The following WDR37 variants were observed in gnomAD, a reference collection of about 807,000 sequenced individuals.
The protein encoded by WDR37 is WD repeat domain 37, also known as WD repeat-containing protein 37.
A neutral mutation model predicts 62.9 loss-of-function variants in WDR37; 19 were observed. That is an observed-to-expected ratio of 0.30 (90% CI 0.21 to 0.44). The LOEUF (loss-of-function observed/expected upper bound fraction) is 0.44. Among genes scored for constraint, WDR37 ranks in the 20% least tolerant of loss-of-function variants. The pLI, the probability that WDR37 is intolerant of heterozygous loss-of-function variation, is 1.00. For missense variants in WDR37, 474 were observed against 657.6 expected (o/e 0.72, Z 3.05); for synonymous variants, 250 against 260.9 (o/e 0.96, Z 0.40).
intron 9 of WDR37, 189 bp downstream of exon 9, chr10:1,096,435 C>T (rs1834579507): frequency 1.6e-5 from 10 of 621,160 alleles, no homozygotes; most frequent in Non-Finnish European, 2.6e-5. Context: ...AGTGAGGTTG[C>T]GTGAGGTCCT....
chr10:1,070,480 G>A (rs1408864631), intron 1 of WDR37, among the ~76,000 whole-genome samples: 1 of 152,132 alleles, frequency 6.6e-6, no homozygotes, highest in African/African-American at 2.4e-5. Context: ...AAGACATTTA[G>A]AAGAGATATT....
In WDR37 at chr10:1,105,801, T is replaced by C. The variant is rs999860186; in HGVS notation, c.1103+534T>C. On this transcript the variant is annotated intron_variant, in intron 11 of 13. Transcript: ENST00000263150. The surrounding 1 kb of genome is among the most constrained non-coding windows in gnomAD (Gnocchi z 5.3). ...CAACTCAAGTGTAAGGTCTTTTTTT[T>C]CTGAGACGGAGTCTCGCTCTGTCGC... Among the ~76,000 whole-genome samples the C allele has an allele frequency of 2.6e-5, 4 of 152,102 alleles. No individual in the cohort carries two copies. The highest frequency in any genetic ancestry group is 5.9e-5 in the Non-Finnish European group (4 of 68,034).
intron 1 of WDR37, among the ~76,000 whole-genome samples, chr10:1,059,801 A>AT (rs1833315617): frequency 6.6e-6 from 1 of 152,100 alleles, no homozygotes; most frequent in African/African-American, 2.4e-5. Context: ...TGTCTCAAAA[A>AT]ATATATATAT....
intron 11 of WDR37, among the ~76,000 whole-genome samples, chr10:1,108,738 TGCC>T (rs1835105415): frequency 1.7e-5 from 1 of 59,726 alleles, no homozygotes. Flanking sequence ...GCTTCTGTGA[TGCC>T]CCCCCCCCCC....
chr10:1,078,770 C>T (rs1482996274), intron 3 of WDR37, among the ~76,000 whole-genome samples: 2 of 152,226 alleles, frequency 1.3e-5, no homozygotes, highest in Non-Finnish European at 2.9e-5. Flanking sequence ...CCACCTTGGC[C>T]TCCCAAAGTG....
chr10:1,082,191 A>C (rs138869621), intron 5 of WDR37, among the ~76,000 whole-genome samples: 9 of 152,240 alleles, frequency 5.9e-5, no homozygotes, highest in African/African-American at 2.2e-4. Flanking sequence ...CTTGGTGCCA[A>C]AGCTAAGCAT....
intron 11 of WDR37, among the ~76,000 whole-genome samples, chr10:1,108,883 G>A (rs1835115843): frequency 6.6e-6 from 1 of 152,226 alleles, no homozygotes. Context: ...AGAGCTTTGA[G>A]AATTGGGTGA....
At chr10:1,089,271 G>A (rs1564503066) in intron 7 of WDR37, among the ~76,000 whole-genome samples, 1 of 152,028 alleles carries the variant, frequency 6.6e-6, no homozygotes, top group African/African-American at 2.4e-5. Context: ...TCCAGCCTCA[G>A]TTCCTGTCAC....
chr10:1,115,023 C>CT (rs1404137483), intron 11 of WDR37, among the ~76,000 whole-genome samples: 17 of 148,212 alleles, frequency 1.1e-4, no homozygotes, highest in Admixed American at 2.7e-4. Context: ...CCCCATCTCC[C>CT]TTTTTTGTTT....
At chr10:1,074,238 C>T in intron 2 of WDR37, 1 of 930,030 alleles carries the variant, frequency 1.1e-6, no homozygotes, top group Non-Finnish European at 1.4e-6. Flanking sequence ...GGAAACCCTG[C>T]AGCCTCCCCT....
chr10:1,096,899 A>G (rs1028686667), intron 9 of WDR37, among the ~76,000 whole-genome samples: 1 of 152,202 alleles, frequency 6.6e-6, no homozygotes, highest in African/African-American at 2.4e-5. Context: ...GAAAGCTTCT[A>G]GCATCTCAGA....
rs987368523 is a variant in WDR37 at position 1,105,021 on chromosome 10, C to T, written c.962-105C>T. On this transcript the variant is annotated intron_variant, in intron 10 of 13. Coordinates refer to ENST00000263150, the MANE Select transcript of WDR37 (RefSeq NM_014023.4). This position sits in a 1 kb window ranked among gnomAD's most constrained non-coding sequence, Gnocchi z 5.3. ...CTGAGTGATTCCATTAGGTCAGGTT[C>T]ACAGTCTCAGAGAGACGGCTTCTTG... The T allele has an allele frequency of 5.0e-6, 7 of 1,404,432 alleles. No homozygotes were observed. Among genetic ancestry groups the T allele is most frequent in the Non-Finnish European group, 6.7e-6 (7 of 1,039,054 alleles). The allele number at this position is 1,404,432 out of a possible 1,614,324, so 87.0% of individuals were successfully genotyped here.
rs1491098746 is a variant in WDR37, at chr10:1,069,390, T to TATATA, written c.-40-2726_-40-2725insATATA. Among the ~76,000 whole-genome samples the TATATA allele has an allele frequency of 3.2e-3, 150 of 47,110 alleles. 1 individual carries two copies. Among genetic ancestry groups the TATATA allele is most frequent in the Non-Finnish European group, 4.3e-3 (115 of 26,772 alleles). 30.9% of individuals were successfully genotyped at this position (47,110 alleles called of 152,430 possible). A position where few individuals can be genotyped will look rare whatever the true frequency, so the allele number is the denominator to read the frequency against. Reference sequence around the variant, plus strand: ...GAAAGAATATATATATATATATATATTTTTTTTTTTTTTTTTTGCAGCAGG... The same window carrying TATATA: ...GAAAGAATATATATATATATATATATATATATTTTTTTTTTTTTTTTTGCAGCAGG... On this transcript the variant is annotated intron_variant, in intron 1 of 13. Transcript: ENST00000263150.
At position 1,105,578 on chromosome 10, in the gene WDR37, G is replaced by A. The variant is rs1407715673; in HGVS notation, c.1103+311G>A. Among the ~76,000 whole-genome samples, 2 of 152,158 alleles carry A rather than the reference G, an allele frequency of 1.3e-5. No individual in the cohort carries two copies. Among genetic ancestry groups the A allele is most frequent in the African/African-American group, 4.8e-5 (2 of 41,444 alleles). On this transcript the variant is annotated intron_variant, in intron 11 of 13. Coordinates refer to ENST00000263150, the MANE Select transcript of WDR37 (RefSeq NM_014023.4). The surrounding 1 kb of genome is among the most constrained non-coding windows in gnomAD (Gnocchi z 5.3). The stretch of plus-strand genomic sequence containing the variant: ...TGCCAGAGCCTGTAGCTGAGCACAG[G>A]GGCCGGCCACGCCACCATAGGAGCC...
In WDR37 at chr10:1,129,495, T is replaced by G; in HGVS notation, c.*151T>G. 3.4e-6 allele frequency: 4 copies of G among 1,163,396 alleles called. No individual in the cohort carries two copies. The highest frequency in any genetic ancestry group is 4.8e-6 in the Non-Finnish European group (4 of 841,462). The allele number at this position is 1,163,396 out of a possible 1,614,324, so 72.1% of individuals were successfully genotyped here. ...CTTTTCACATAGTGCCCAGCTTGCATGAAATGTACAGAGAAATGTGTGGTC... is the reference window on the plus strand; with the variant it reads ...CTTTTCACATAGTGCCCAGCTTGCAGGAAATGTACAGAGAAATGTGTGGTC... On this transcript the variant is annotated 3_prime_UTR_variant, in exon 14 of 14. Transcript: ENST00000263150.
chr10:1,069,757 A>G (rs952569220), intron 1 of WDR37, among the ~76,000 whole-genome samples: 4 of 152,136 alleles, frequency 2.6e-5, no homozygotes, highest in African/African-American at 9.7e-5. Context: ...ATGTAACAGA[A>G]TGACAACTAT....
intron 1 of WDR37, among the ~76,000 whole-genome samples, chr10:1,070,516 AT>A (rs1833695513): frequency 6.6e-6 from 1 of 152,194 alleles, no homozygotes; most frequent in African/African-American, 2.4e-5. Context: ...ACTTCCTTGA[AT>A]TCTAAGGTTA....
Position 1,080,486 on chromosome 10 carries a change from C to CCACTG in WDR37, c.396+11_396+15dup. ...GGCTTCCACCAGCAAGGTATGCAGG[C>CCACTG]CACTGGCTCTTGAGCCATCATGTGG... On this transcript the variant is annotated intron_variant, in intron 5 of 13. Transcript: ENST00000263150. 1 of 1,614,138 alleles carries CCACTG rather than the reference C, an allele frequency of 6.2e-7. No homozygotes were observed. The highest frequency in any genetic ancestry group is 8.5e-7 in the Non-Finnish European group (1 of 1,180,002).
rs906533526 is a variant in WDR37, at chr10:1,083,102, T to G, written c.397-1301T>G. On this transcript the variant is annotated intron_variant, in intron 5 of 13. Coordinates refer to ENST00000263150, the MANE Select transcript of WDR37 (RefSeq NM_014023.4). ...GGTTGTGTGTGTCCTTTAATTTCAC[T>G]CCCTCCTAAAATGTTACAATGTTAT... 3.3e-5 allele frequency among the ~76,000 whole-genome samples: 5 copies of G among 152,186 alleles called. No individual in the cohort carries two copies. The East Asian group carries it at 9.6e-4, about 29-fold the overall frequency.
Sources: gnomAD v4.1 joint callset for allele counts (sites outside exome capture counted in the v4.1 genomes callset) on GRCh38, gnomAD v4.1.1 for gene constraint, Gnocchi (gnomAD v3.1) non-coding constraint, MANE v1.5 for transcripts, NCBI Gene and HGNC (gene_info 2026-07-23, HGNC 2026-07-21) for gene names.